GRM8: variants seen among roughly 807,000 people sequenced by gnomAD.
GRM8 encodes glutamate metabotropic receptor 8.
In GRM8, 47 loss-of-function variants were observed where a neutral mutation model predicts 87.2. That is an observed-to-expected ratio of 0.54 (90% CI 0.43 to 0.69). The LOEUF (loss-of-function observed/expected upper bound fraction) is 0.69. GRM8 is among the 30% of genes least tolerant of loss of function. The probability of loss-of-function intolerance (pLI) is 0.00; values close to 1 mark genes in which losing one functional copy is unlikely to be tolerated. For synonymous variants in GRM8, 396 were observed against 404.5 expected, an observed-to-expected ratio of 0.98 and a Z score of 0.25; for missense variants, 1,019 against 1,139.2, an observed-to-expected ratio of 0.89 and a Z score of 1.52.
At chr7:126,558,633 A>G (rs1420262874) in intron 8 of GRM8, among the ~76,000 whole-genome samples, 1 of 152,218 alleles carries the variant, frequency 6.6e-6, no homozygotes. Context: ...AATTCTACGA[A>G]GATAGTTTTT....
intron 3 of GRM8, among the ~76,000 whole-genome samples, chr7:127,001,094 C>T (rs1813687824): frequency 6.6e-6 from 1 of 151,492 alleles, no homozygotes; most frequent in African/African-American, 2.4e-5. Context: ...CAATAGATGA[C>T]AGAATGTCAG....
chr7:126,956,379 C>G (rs1016085290), intron 3 of GRM8, among the ~76,000 whole-genome samples: 1 of 152,176 alleles, frequency 6.6e-6, no homozygotes, highest in South Asian at 2.1e-4. Flanking sequence ...AATAACCAAG[C>G]CTATCTCACC....
intron 7 of GRM8, among the ~76,000 whole-genome samples, chr7:126,745,604 TC>T (rs1338742470): frequency 1.3e-5 from 2 of 151,636 alleles, no homozygotes; most frequent in African/African-American, 4.8e-5. Context: ...TGGGTTTTTT[TC>T]CCCCTAATAT....
At chr7:126,988,326 A>T (rs185918880) in intron 3 of GRM8, among the ~76,000 whole-genome samples, 415 of 152,346 alleles carry the variant, frequency 2.7e-3, no homozygotes, top group Non-Finnish European at 4.9e-3. Context: ...ACATATTTCC[A>T]GCAAAATTGC....
chr7:126,946,425 T>C (rs1431535335), intron 3 of GRM8, among the ~76,000 whole-genome samples: 1 of 152,152 alleles, frequency 6.6e-6, no homozygotes, highest in Non-Finnish European at 1.5e-5. Context: ...CACTTGGGCC[T>C]AATAAATTGA....
chr7:126,469,800 T>C (rs1804950195), intron 9 of GRM8, among the ~76,000 whole-genome samples: 1 of 152,154 alleles, frequency 6.6e-6, no homozygotes, highest in African/African-American at 2.4e-5. Flanking sequence ...AAAGGACTAA[T>C]ACAGTAAATT....
rs190307273 is a variant in GRM8, at chr7:127,108,471, G to A, written c.511-1759C>T. Among the ~76,000 whole-genome samples the A allele has an allele frequency of 2.0e-5, 3 of 152,210 alleles. No homozygotes were observed. In the East Asian group the frequency reaches 5.8e-4, roughly 29 times the overall value. On this transcript the variant is annotated intron_variant, in intron 2 of 10. Transcript: ENST00000339582. Reference sequence around the variant, plus strand: ...TGTGTGGGGGGAAGGGAATAGGGGAGCATTCTATAGCAAAATATATAGCCC... The same window carrying A: ...TGTGTGGGGGGAAGGGAATAGGGGAACATTCTATAGCAAAATATATAGCCC...
At chr7:126,848,577 T>C (rs1796916278) in intron 6 of GRM8, among the ~76,000 whole-genome samples, 1 of 152,140 alleles carries the variant, frequency 6.6e-6, no homozygotes, top group South Asian at 2.1e-4. Flanking sequence ...ATCCCAGCAC[T>C]TTTGGAGGCC....
chr7:127,081,781 G>A (rs1822893826), intron 3 of GRM8, among the ~76,000 whole-genome samples: 1 of 152,220 alleles, frequency 6.6e-6, no homozygotes, highest in Non-Finnish European at 1.5e-5. Flanking sequence ...AGATTGCCAA[G>A]AACAGTTTCT....
At chr7:126,648,572 G>C (rs1803437367) in intron 7 of GRM8, among the ~76,000 whole-genome samples, 1 of 152,194 alleles carries the variant, frequency 6.6e-6, no homozygotes, top group South Asian at 2.1e-4. Context: ...CAATAGAACT[G>C]TCTAACAGGA....
intron 7 of GRM8, among the ~76,000 whole-genome samples, chr7:126,768,928 A>AAAAAAAAAAAAC (rs1554485616): frequency 2.3e-5 from 3 of 131,852 alleles, no homozygotes; most frequent in African/African-American, 9.6e-5. Context: ...GGAAAAATGC[A>AAAAAAAAAAAAC]AAAAAAAAAA....
intron 6 of GRM8, among the ~76,000 whole-genome samples, chr7:126,885,784 G>A (rs1443273534): frequency 6.6e-6 from 1 of 152,066 alleles, no homozygotes; most frequent in East Asian, 1.9e-4. Context: ...GAGATAAATG[G>A]CAATTCTAGC....
At chr7:126,994,526 C>A (rs762046219) in intron 3 of GRM8, among the ~76,000 whole-genome samples, 1 of 152,138 alleles carries the variant, frequency 6.6e-6, no homozygotes, top group African/African-American at 2.4e-5. Flanking sequence ...GAAGAGTGAG[C>A]CCCAGGCCTG....
intron 2 of GRM8, among the ~76,000 whole-genome samples, chr7:127,206,512 T>C (rs1413155299): frequency 6.6e-6 from 1 of 152,154 alleles, no homozygotes; most frequent in Non-Finnish European, 1.5e-5. Context: ...TTTTCTGATA[T>C]ATATGAAAAT....
At chr7:126,994,414 C>T (rs572043475) in intron 3 of GRM8, among the ~76,000 whole-genome samples, 2 of 152,204 alleles carry the variant, frequency 1.3e-5, no homozygotes, top group Admixed American at 6.5e-5. Flanking sequence ...GCCATAGTAG[C>T]GCAGAGCACC....
intron 6 of GRM8, among the ~76,000 whole-genome samples, chr7:126,794,446 A>G (rs1045051145): frequency 6.6e-6 from 1 of 152,180 alleles, no homozygotes; most frequent in Non-Finnish European, 1.5e-5. Flanking sequence ...TTTCCAATTC[A>G]GAAGATAAAT....
chr7:127,140,698 A>G (rs1423858752), intron 2 of GRM8, among the ~76,000 whole-genome samples: 2 of 151,966 alleles, frequency 1.3e-5, no homozygotes, highest in South Asian at 2.1e-4. Flanking sequence ...GTCACCTCCA[A>G]TTTTGTCTCT....
intron 6 of GRM8, among the ~76,000 whole-genome samples, chr7:126,799,746 A>G (rs1197486558): frequency 6.6e-6 from 1 of 152,156 alleles, no homozygotes; most frequent in African/African-American, 2.4e-5. Context: ...CAGGCATTCT[A>G]TAAATGTGGT....
chr7:126,626,191 C>A (rs1412809594), intron 7 of GRM8, among the ~76,000 whole-genome samples: 1 of 151,006 alleles, frequency 6.6e-6, no homozygotes, highest in Non-Finnish European at 1.5e-5. Context: ...ATCAACTAGT[C>A]CATTGTGTTG....
Sources: allele counts gnomAD v4.1 joint callset (sites outside exome capture counted in the v4.1 genomes callset), GRCh38; gene constraint gnomAD v4.1.1; transcripts MANE v1.5; gene names NCBI Gene and HGNC (gene_info 2026-07-23, HGNC 2026-07-21).